The following RANBP2 variants were observed in gnomAD, a reference collection of about 807,000 sequenced individuals.
The protein encoded by RANBP2 is RAN binding protein 2.
In RANBP2, 57 loss-of-function variants were observed where a neutral mutation model predicts 303.6. The observed-to-expected ratio is 0.19, with a 90% CI of 0.15 to 0.23. The LOEUF is 0.23. Among genes scored for constraint, RANBP2 ranks in the 10% least tolerant of loss-of-function variants. RANBP2 has a pLI of 1.00. For missense variants in RANBP2, 3,138 were observed against 3,780.8 expected (o/e 0.83, Z 4.46); for synonymous variants, 1,167 against 1,301.5 (o/e 0.90, Z 2.23).
the RANBP2 span, among the ~76,000 whole-genome samples, chr2:109,382,439 C>A: frequency 6.6e-6 from 1 of 152,136 alleles, no homozygotes; most frequent in Non-Finnish European, 1.5e-5. Context: ...CCTCAGCAGC[C>A]CACCTCCTGA....
At chr2:109,053,090 G>A in the RANBP2 span, among the ~76,000 whole-genome samples, 2 of 152,164 alleles carry the variant, frequency 1.3e-5, no homozygotes, top group African/African-American at 2.4e-5. Context: ...GAGGGTGAGG[G>A]CGCTGTGGTC....
At chr2:109,634,596 G>A in the RANBP2 span, among the ~76,000 whole-genome samples, 1 of 152,170 alleles carries the variant, frequency 6.6e-6, no homozygotes, top group African/African-American at 2.4e-5. Context: ...ACTCATTAAA[G>A]AACTATACTG....
At chr2:109,161,158 A>G in the RANBP2 span, among the ~76,000 whole-genome samples, 1 of 152,324 alleles carries the variant, frequency 6.6e-6, no homozygotes, top group South Asian at 2.1e-4. Context: ...AGCATGAGCA[A>G]TGCCAACAAG....
Position 108,765,043 on chromosome 2 carries a change from T to A in RANBP2, c.4504T>A (p.Cys1502Ser). 1 of 1,614,010 alleles carries A rather than the reference T, an allele frequency of 6.2e-7. No individual in the cohort carries two copies. ...NEGSSTKCAA[C>S]QNPRKQSLPA... ...GGGGAGCTCTACAAAATGTGCTGCT[T>A]GTCAGAATCCGAGAAAACAGAGTCT... The change falls in exon 20 of 29, where the codon TGT becomes AGT. Residue 1502 changes from cysteine to serine, a missense_variant. This residue lies in a region of RANBP2 where 388 missense variants were observed against 328.5 expected (regional missense o/e 1.18). Coordinates refer to ENST00000283195, the MANE Select transcript of RANBP2 (RefSeq NM_006267.5).
In RANBP2 at chr2:108,765,184, T is replaced by A. The variant is rs1276246310; in HGVS notation, c.4645T>A (p.Cys1549Ser). 3 of 1,614,090 alleles carry A rather than the reference T, an allele frequency of 1.9e-6. No homozygotes were observed. Among genetic ancestry groups the A allele is most frequent in the Non-Finnish European group, 2.5e-6 (3 of 1,180,024 alleles). ...MFAKKEGQWDCSSCLVRNEAN... is the reference protein window; with the variant it reads ...MFAKKEGQWDSSSCLVRNEAN... Reference sequence around the variant, plus strand: ...TGCTAAGAAGGAAGGACAGTGGGATTGCAGTTCATGCTTAGTGCGAAATGA... The same window carrying A: ...TGCTAAGAAGGAAGGACAGTGGGATAGCAGTTCATGCTTAGTGCGAAATGA... The change falls in exon 20 of 29, where the codon TGC becomes AGC. Residue 1549 changes from cysteine to serine, a missense_variant. Cys to Ser is a moderately radical substitution (Grantham distance 112). Coordinates refer to ENST00000283195, the MANE Select transcript of RANBP2 (RefSeq NM_006267.5).
At chr2:109,110,878 G>A in the RANBP2 span, among the ~76,000 whole-genome samples, 313 of 152,318 alleles carry the variant, frequency 2.1e-3, 2 homozygotes, top group African/African-American at 7.1e-3. Flanking sequence ...CTGGCTAGAA[G>A]CAGAGGACTC....
chr2:108,833,853 G>T, the RANBP2 span, among the ~76,000 whole-genome samples: 2 of 144,848 alleles, frequency 1.4e-5, no homozygotes, highest in African/African-American at 2.6e-5. Context: ...TCAGCCTCCC[G>T]AGTAGCTGGG....
the RANBP2 span, among the ~76,000 whole-genome samples, chr2:108,811,833 T>C: frequency 1.3e-5 from 2 of 152,134 alleles, 1 homozygote; most frequent in Admixed American, 1.3e-4. Flanking sequence ...TGTGTACCCA[T>C]TGTTTATCTT....
At chr2:108,781,506 G>A in intron 26 of RANBP2, 77 bp downstream of exon 26, 2 of 1,393,674 alleles carry the variant, frequency 1.4e-6, no homozygotes, top group South Asian at 1.2e-5. Context: ...GATCTGTCAG[G>A]GTATAATTGT....
the RANBP2 span, among the ~76,000 whole-genome samples, chr2:108,968,304 T>C: frequency 6.6e-6 from 1 of 152,210 alleles, no homozygotes; most frequent in East Asian, 1.9e-4. Context: ...ACATTTAAGA[T>C]GGAATGGTTT....
chr2:108,957,406 AT>A, the RANBP2 span, among the ~76,000 whole-genome samples: 1 of 152,234 alleles, frequency 6.6e-6, no homozygotes, highest in African/African-American at 2.4e-5. Context: ...CTGTTTGGGC[AT>A]ATCTAATCAC....
chr2:109,672,248 A>T, the RANBP2 span, among the ~76,000 whole-genome samples: 1 of 152,262 alleles, frequency 6.6e-6, no homozygotes, highest in Admixed American at 6.5e-5. Context: ...ATGAAGCATC[A>T]AATAAAATAT....
chr2:109,603,488 C>T, the RANBP2 span, among the ~76,000 whole-genome samples: 1 of 152,220 alleles, frequency 6.6e-6, no homozygotes, highest in East Asian at 1.9e-4. Context: ...ATCCGCCTGC[C>T]TCAGCCTCCC....
chr2:109,698,464 T>C, the RANBP2 span, among the ~76,000 whole-genome samples: 1 of 134,928 alleles, frequency 7.4e-6, no homozygotes, highest in African/African-American at 2.5e-5. Context: ...AGACCCCATT[T>C]CAGAAAAAAA....
At chr2:109,747,502 C>T in the RANBP2 span, among the ~76,000 whole-genome samples, 4 of 148,008 alleles carry the variant, frequency 2.7e-5, no homozygotes, top group African/African-American at 1.0e-4. Flanking sequence ...GCCTGTAATC[C>T]CAGCACTTTG....
chr2:108,791,592 GTTA>G, the RANBP2 span: 1 of 1,456,860 alleles, frequency 6.9e-7, no homozygotes, highest in Non-Finnish European at 9.6e-7. Flanking sequence ...CAGTTATGCT[GTTA>G]ATATTTGAAA....
chr2:109,222,824 A>C, the RANBP2 span, among the ~76,000 whole-genome samples: 1 of 152,192 alleles, frequency 6.6e-6, no homozygotes, highest in South Asian at 2.1e-4. Context: ...AATAAAGCAC[A>C]TTTTCCAGTT....
chr2:109,142,408 A>C, the RANBP2 span, among the ~76,000 whole-genome samples: 1 of 152,204 alleles, frequency 6.6e-6, no homozygotes, highest in Admixed American at 6.5e-5. Context: ...GGTTAGCTCC[A>C]CAAACTTGGA....
chr2:108,731,508 A>G (rs780682271), intron 4 of RANBP2, 34 bp downstream of exon 4: 7 of 1,610,402 alleles, frequency 4.3e-6, no homozygotes, highest in Non-Finnish European at 5.9e-6. Context: ...AGAAAACTTA[A>G]GACATAACCA....
Sources: allele counts gnomAD v4.1 joint callset (sites outside exome capture counted in the v4.1 genomes callset), GRCh38; gene constraint gnomAD v4.1.1; regional missense constraint gnomAD v4.1.1; transcripts MANE v1.5; gene names NCBI Gene and HGNC (gene_info 2026-07-23, HGNC 2026-07-21).